Variants in CCDC146 observed in about 807,000 individuals in gnomAD.
The protein encoded by CCDC146 is coiled-coil domain containing 146.
In CCDC146, 92 loss-of-function variants were observed where a neutral mutation model predicts 119.3. That is an observed-to-expected ratio of 0.77 (90% CI 0.65 to 0.92). The LOEUF (loss-of-function observed/expected upper bound fraction) is 0.92. Among genes scored for constraint, CCDC146 ranks in the 40% least tolerant of loss-of-function variants. CCDC146 has a pLI of 0.00. For synonymous variants in CCDC146, 372 were observed against 371.8 expected, an observed-to-expected ratio of 1.00 and a Z score of -0.01; for missense variants, 1,000 against 1,103.0, an observed-to-expected ratio of 0.91 and a Z score of 1.32.
chr7:77,244,969 C>T (rs1792920982), intron 4 of CCDC146, among the ~76,000 whole-genome samples: 1 of 152,234 alleles, frequency 6.6e-6, no homozygotes, highest in Non-Finnish European at 1.5e-5. Flanking sequence ...TAGCACTCCT[C>T]CACCCCAATA....
chr7:77,123,860 A>G (rs1041411725), intron 1 of CCDC146, among the ~76,000 whole-genome samples: 6 of 152,264 alleles, frequency 3.9e-5, no homozygotes, highest in Admixed American at 2.0e-4. Context: ...CTTTCGGTGA[A>G]GACTCACTCA....
chr7:77,209,120 A>G (rs1388648647), intron 2 of CCDC146, among the ~76,000 whole-genome samples: 1 of 152,082 alleles, frequency 6.6e-6, no homozygotes, highest in Non-Finnish European at 1.5e-5. Context: ...TCCAACATTA[A>G]CTCAAAAGTC....
At chr7:77,183,122 C>T (rs188728872) in intron 2 of CCDC146, among the ~76,000 whole-genome samples, 1 of 152,256 alleles carries the variant, frequency 6.6e-6, no homozygotes, top group Non-Finnish European at 1.5e-5. Flanking sequence ...TCCCCAAATT[C>T]CTCATCACAA....
intron 4 of CCDC146, among the ~76,000 whole-genome samples, chr7:77,248,593 G>A (rs1043299244): frequency 1.3e-5 from 2 of 152,140 alleles, no homozygotes; most frequent in East Asian, 1.9e-4. Flanking sequence ...TTTCCATATC[G>A]GGAAATCATA....
chr7:77,227,595 G>T (rs1359083342), intron 2 of CCDC146, among the ~76,000 whole-genome samples: 1 of 152,192 alleles, frequency 6.6e-6, no homozygotes, highest in African/African-American at 2.4e-5. Flanking sequence ...GTGAGCCACG[G>T]CGCCTGGCCA....
chr7:77,211,255 A>G (rs921430406), intron 2 of CCDC146, among the ~76,000 whole-genome samples: 1 of 152,152 alleles, frequency 6.6e-6, no homozygotes, highest in African/African-American at 2.4e-5. Context: ...TTTACCACCT[A>G]AGCATGAATC....
intron 14 of CCDC146, among the ~76,000 whole-genome samples, chr7:77,281,699 C>T (rs1407000731): frequency 6.6e-6 from 1 of 152,142 alleles, no homozygotes; most frequent in Non-Finnish European, 1.5e-5. Flanking sequence ...AGTACAACCA[C>T]ATGCATGCAT....
chr7:77,195,012 A>G (rs1262091686), intron 2 of CCDC146: 1 of 152,178 alleles, frequency 6.6e-6, no homozygotes, highest in Non-Finnish European at 1.5e-5. Flanking sequence ...CTACTGTTCT[A>G]TATATTTCAA....
Position 77,259,001 on chromosome 7 carries a change from G to C in CCDC146, c.691G>C (p.Val231Leu). The change falls in exon 7 of 19, where the codon GTG (valine) becomes CTG (leucine). Residue 231 changes from valine (V) to leucine (L), a missense_variant. Coordinates refer to ENST00000285871, the MANE Select transcript of CCDC146 (RefSeq NM_020879.3). The stretch of plus-strand genomic sequence containing the variant: ...GATTTCGTTTCTTTACTAGGATGAA[G>C]TGGCCCACCATCAAACCATTCCAGT... ...LGHQVVLKDEVAHHQTIPVQI... is the reference protein window; with the variant it reads ...LGHQVVLKDELAHHQTIPVQI... 1.2e-6 allele frequency: 2 copies of C among 1,610,988 alleles called. No homozygotes were observed. The highest frequency in any genetic ancestry group is 1.7e-6 in the Non-Finnish European group (2 of 1,177,568).
chr7:77,256,515 C>T lies in CCDC146; in HGVS notation c.684+6C>T. On this transcript the variant is annotated splice_donor_region_variant and intron_variant, in intron 6 of 18. Coordinates refer to ENST00000285871, the MANE Select transcript of CCDC146 (RefSeq NM_020879.3). ...GACATCAGGTCGTCCTAAAGGTGTG[C>T]TACTTACCGTTGATATTTAAACATT... 6.3e-7 allele frequency: 1 copy of T among 1,593,472 alleles called. No individual in the cohort carries two copies. Among genetic ancestry groups the T allele is most frequent in the Non-Finnish European group, 8.5e-7 (1 of 1,173,504 alleles).
intron 4 of CCDC146, among the ~76,000 whole-genome samples, chr7:77,244,084 G>A (rs1200527641): frequency 6.6e-6 from 1 of 152,004 alleles, no homozygotes; most frequent in Non-Finnish European, 1.5e-5. Context: ...CACCATCTTG[G>A]CCAGGGTGGT....
At chr7:77,248,958 T>C (rs1472641702) in intron 4 of CCDC146, among the ~76,000 whole-genome samples, 1 of 152,244 alleles carries the variant, frequency 6.6e-6, no homozygotes, top group East Asian at 1.9e-4. Flanking sequence ...TTTACAATGA[T>C]GACTGGCTTT....
At chr7:77,240,832 A>G (rs1446475379) in intron 3 of CCDC146, among the ~76,000 whole-genome samples, 1 of 152,150 alleles carries the variant, frequency 6.6e-6, no homozygotes, top group African/African-American at 2.4e-5. Flanking sequence ...GATTTTCAAC[A>G]GTTTTTCCAC....
intron 2 of CCDC146, among the ~76,000 whole-genome samples, chr7:77,234,372 CA>C (rs1792694244): frequency 6.6e-6 from 1 of 151,914 alleles, no homozygotes; most frequent in Non-Finnish European, 1.5e-5. Flanking sequence ...AAAAATACTG[CA>C]GAACCAAAAT....
chr7:77,287,651 AT>A, intron 17 of CCDC146, 74 bp downstream of exon 17: 1 of 1,504,938 alleles, frequency 6.6e-7, no homozygotes, highest in Admixed American at 2.0e-5. Flanking sequence ...AGACCGACAG[AT>A]TTATTGAGAG....
intron 2 of CCDC146, among the ~76,000 whole-genome samples, chr7:77,209,467 T>C (rs781276811): frequency 2.0e-5 from 3 of 152,206 alleles, no homozygotes; most frequent in Non-Finnish European, 4.4e-5. Flanking sequence ...CCTGCTTTCA[T>C]GGGCTGGCAT....
intron 15 of CCDC146, among the ~76,000 whole-genome samples, chr7:77,283,087 C>T (rs1793791293): frequency 1.3e-5 from 2 of 152,156 alleles, no homozygotes; most frequent in African/African-American, 4.8e-5. Context: ...GTGATCTAGA[C>T]TCTCACTACC....
chr7:77,164,959 T>C (rs1327911817), intron 1 of CCDC146, among the ~76,000 whole-genome samples: 2 of 152,236 alleles, frequency 1.3e-5, no homozygotes, highest in African/African-American at 4.8e-5. Flanking sequence ...ATTGCAGTTA[T>C]CTTCTCTGGC....
chr7:77,222,860 T>G (rs1022789892), intron 2 of CCDC146, among the ~76,000 whole-genome samples: 1 of 152,204 alleles, frequency 6.6e-6, no homozygotes, highest in African/African-American at 2.4e-5. Flanking sequence ...CACTGATTAG[T>G]CCGTCACATC....
Sources: allele counts gnomAD v4.1 joint callset (sites outside exome capture counted in the v4.1 genomes callset), GRCh38; gene constraint gnomAD v4.1.1; transcripts MANE v1.5; gene names NCBI Gene and HGNC (gene_info 2026-07-23, HGNC 2026-07-21).